The following GATA5 variants were observed in gnomAD, a reference collection of about 807,000 sequenced individuals.
The protein encoded by GATA5 is GATA binding protein 5.
Under a neutral mutation model 35.0 loss-of-function variants are expected in GATA5, and 27 were observed. The observed-to-expected ratio is 0.77, with a 90% CI of 0.57 to 1.06. The LOEUF is 1.06. Among genes scored for constraint, GATA5 ranks in the 50% least tolerant of loss-of-function variants. GATA5 has a pLI of 0.00. For synonymous variants in GATA5, 306 were observed against 267.8 expected, an observed-to-expected ratio of 1.14 and a Z score of -1.39; for missense variants, 612 against 580.0, an observed-to-expected ratio of 1.06 and a Z score of -0.57.
At chr20:62,466,361 G>A (rs1989586813) in intron 4 of GATA5, 65 bp downstream of exon 4, 2 of 1,492,028 alleles carry the variant, frequency 1.3e-6, no homozygotes, top group Non-Finnish European at 1.8e-6. Context: ...GTCTGAGAGT[G>A]CGGACGGCGC....
Position 62,472,482 on chromosome 20 carries a change from C to T in GATA5, c.699+921G>A, listed in dbSNP as rs1390202389. On this transcript the variant is annotated intron_variant, in intron 3 of 6. Transcript: ENST00000252997. ...GAGGGCTGGCCTCCACCCAGGGTGA[C>T]GGCGGGAGCTGGCTGATCGACCCCG... Among the ~76,000 whole-genome samples, 9 of 152,200 alleles carry T rather than the reference C, an allele frequency of 5.9e-5. No homozygotes were observed. The South Asian group carries it at 6.2e-4, about 10-fold the overall frequency.
chr20:62,465,023 G>T (rs1989544444), intron 6 of GATA5, 32 bp from the exon 7 acceptor site: 2 of 1,088,856 alleles, frequency 1.8e-6, no homozygotes, highest in African/African-American at 1.6e-5. Context: ...AGAATGTGGG[G>T]TGGGGCGTGG....
chr20:62,465,883 C>T lies in GATA5; in HGVS notation c.864G>A (p.Gln288=). The change falls in exon 5 of 7, where the codon CAG becomes CAA. Residue 288 remains glutamine (Q), a synonymous_variant. Coordinates refer to ENST00000252997, the MANE Select transcript of GATA5 (RefSeq NM_080473.5). ...RPLAMKKESI[Q]TRKRKPKTIA... ...TGGTCTTTGGCTTCCGCTTCCGTGT[C>T]TGGATGCTTTCCTTCTTCATAGCCA... 1 of 1,599,120 alleles carries T rather than the reference C, an allele frequency of 6.3e-7. No homozygotes were observed. Among genetic ancestry groups the T allele is most frequent in the South Asian group, 1.1e-5 (1 of 88,258 alleles).
intron 4 of GATA5, 69 bp downstream of exon 4, chr20:62,466,357 G>C: frequency 6.8e-7 from 1 of 1,480,928 alleles, no homozygotes; most frequent in Non-Finnish European, 9.1e-7. Context: ...CTTGGTCTGA[G>C]AGTGCGGACG....
chr20:62,469,984 C>A (rs1461324102), intron 3 of GATA5, among the ~76,000 whole-genome samples: 1 of 152,226 alleles, frequency 6.6e-6, no homozygotes, highest in Admixed American at 6.5e-5. Context: ...CTCCTCACTG[C>A]CCAACAAGCA....
At chr20:62,474,937 G>A in intron 2 of GATA5, 62 bp downstream of exon 2, 1 of 1,234,718 alleles carries the variant, frequency 8.1e-7, no homozygotes, top group South Asian at 2.8e-5. Flanking sequence ...TTCGCAGGGT[G>A]CGGGTTTGCA....
intron 3 of GATA5, among the ~76,000 whole-genome samples, chr20:62,468,906 C>G (rs1555896328): frequency 6.6e-6 from 1 of 152,244 alleles, no homozygotes; most frequent in Non-Finnish European, 1.5e-5. Flanking sequence ...TCACCCAGGG[C>G]CCCCAGATGG....
rs1555896436 is a variant in GATA5, at chr20:62,470,237, G to C, written c.699+3166C>G. Among the ~76,000 whole-genome samples, 1 of 152,248 alleles carries C rather than the reference G, an allele frequency of 6.6e-6. No individual in the cohort carries two copies. The highest frequency in any genetic ancestry group is 1.5e-5 in the Non-Finnish European group (1 of 68,044). On this transcript the variant is annotated intron_variant, in intron 3 of 6. Transcript: ENST00000252997. This position sits in a 1 kb window ranked among gnomAD's most constrained non-coding sequence, Gnocchi z 4.6. ...TCAAGGAAGGCGGGAGAGGGAAGGA[G>C]GTTCGAGCCTGGCTTGGAGGGATGA...
chr20:62,475,772 C>G (rs782108850), intron 1 of GATA5, among the ~76,000 whole-genome samples, 158 bp downstream of exon 1: 9 of 151,880 alleles, frequency 5.9e-5, no homozygotes, highest in Non-Finnish European at 1.2e-4. Flanking sequence ...CCTCCCCGAC[C>G]GGGCTTCGGA....
Position 62,475,481 on chromosome 20 carries a change from G to T in GATA5, c.41C>A (p.Ala14Asp). Residue 14 changes from alanine (A) to aspartate (D), a missense_variant, in exon 2 of 7, where the codon GCC becomes GAC. Ala to Asp is a moderately radical substitution (Grantham distance 126, BLOSUM62 -2). Transcript: ENST00000252997. ...SLALAASPRQAAYADSGSFLH... is the reference protein window; with the variant it reads ...SLALAASPRQDAYADSGSFLH... ...GAAGGAGCCCGAGTCGGCGTAGGCG[G>T]CCTGGCGGGGGCTCGCGGCCAGCGC... 7.5e-7 allele frequency: 1 copy of T among 1,327,654 alleles called. No individual in the cohort carries two copies. The allele number at this position is 1,327,654 out of a possible 1,614,324, so 82.2% of individuals were successfully genotyped here.
At chr20:62,474,045 T>C (rs1275427849) in intron 2 of GATA5, among the ~76,000 whole-genome samples, 1 of 148,558 alleles carries the variant, frequency 6.7e-6, no homozygotes, top group African/African-American at 2.5e-5. Flanking sequence ...CTAACCCCGC[T>C]GTCCTCCTGT....
In GATA5 at chr20:62,472,529, G is replaced by A. The variant is rs531129779; in HGVS notation, c.699+874C>T. On this transcript the variant is annotated intron_variant, in intron 3 of 6. Transcript: ENST00000252997. ...CCCGCACGGAGTCCACACCACCAGC[G>A]GAGGAGGACTTGGTGCCCAGGAACA... 2.6e-5 allele frequency among the ~76,000 whole-genome samples: 4 copies of A among 152,352 alleles called. No homozygotes were observed. In the East Asian group the frequency reaches 5.8e-4, roughly 22 times the overall value.
chr20:62,465,547 C>A, intron 5 of GATA5, 83 bp from the exon 6 acceptor site: 1 of 1,517,968 alleles, frequency 6.6e-7, no homozygotes, highest in Non-Finnish European at 8.8e-7. Context: ...TCTCCTCTGG[C>A]CCCGGCCCAG....
At chr20:62,472,328 T>C (rs2146487132) in intron 3 of GATA5, among the ~76,000 whole-genome samples, 1 of 152,246 alleles carries the variant, frequency 6.6e-6, no homozygotes, top group African/African-American at 2.4e-5. Flanking sequence ...CACGCTCAGG[T>C]CCTGGTCCCC....
rs1190332701 is a variant in GATA5 at position 62,465,866 on chromosome 20, G to A, written c.881C>T (p.Pro294Leu). 17 of 1,597,130 alleles carry A rather than the reference G, an allele frequency of 1.1e-5. No homozygotes were observed. The highest frequency in any genetic ancestry group is 1.3e-5 in the African/African-American group (1 of 74,682). The change falls in exon 5 of 7, where the codon CCA (proline) becomes CTA (leucine). Residue 294 changes from proline to leucine, a missense_variant. Pro to Leu is a moderately conservative substitution (Grantham distance 98). Transcript: ENST00000252997. ...GCCCCTGGCCTTGGCGATGGTCTTT[G>A]GCTTCCGCTTCCGTGTCTGGATGCT... is the stretch of plus-strand genomic sequence containing the variant. The part of the protein sequence containing the change: ...KESIQTRKRK[P>L]KTIAKARGSS...
At chr20:62,471,169 C>A (rs1440917970) in intron 3 of GATA5, among the ~76,000 whole-genome samples, 1 of 152,032 alleles carries the variant, frequency 6.6e-6, no homozygotes, top group Non-Finnish European at 1.5e-5. Flanking sequence ...AGACCCAGGG[C>A]AGGGCAGGGC....
At position 62,474,880 on chromosome 20, in the gene GATA5, G is replaced by T. The variant is rs1472346871; in HGVS notation, c.523+119C>A. The T allele has an allele frequency of 9.2e-6, 8 of 872,044 alleles. No homozygotes were observed. The East Asian group carries it at 2.3e-4, about 25-fold the overall frequency. The allele number at this position is 872,044 out of a possible 1,614,324, so 54.0% of individuals were successfully genotyped here. The stretch of plus-strand genomic sequence containing the variant: ...GTCTCGCCCCGGGGCTGCTGGTGTC[G>T]CTCCTGGCAGGGAGGCTCGGACCGT... On this transcript the variant is annotated intron_variant, in intron 2 of 6. Transcript: ENST00000252997.
Position 62,470,618 on chromosome 20 carries a change from C to T in GATA5, c.699+2785G>A, listed in dbSNP as rs1362529390. ...ACCAGTCTTGCTCAGCGGGAAGGGACGCTTGGCTCCATGCAACACTGGGCT... is the reference window on the plus strand; with the variant it reads ...ACCAGTCTTGCTCAGCGGGAAGGGATGCTTGGCTCCATGCAACACTGGGCT... On this transcript the variant is annotated intron_variant, in intron 3 of 6. Coordinates refer to ENST00000252997, the MANE Select transcript of GATA5 (RefSeq NM_080473.5). This position sits in a 1 kb window ranked among gnomAD's most constrained non-coding sequence, Gnocchi z 4.6. Among the ~76,000 whole-genome samples the T allele has an allele frequency of 5.9e-5, 9 of 152,166 alleles. No individual in the cohort carries two copies. In the East Asian group the frequency reaches 1.4e-3, roughly 23 times the overall value.
In GATA5 at chr20:62,464,670, G is replaced by A. The variant is rs1354999387; in HGVS notation, c.*166C>T. On this transcript the variant is annotated 3_prime_UTR_variant, in exon 7 of 7. Coordinates refer to ENST00000252997, the MANE Select transcript of GATA5 (RefSeq NM_080473.5). ...CTTCTTGCTCTGGGGCCCGACTGCCGTCTGTCCAGAAGGCCTCCCCACCAC... is the reference window on the plus strand; with the variant it reads ...CTTCTTGCTCTGGGGCCCGACTGCCATCTGTCCAGAAGGCCTCCCCACCAC... 15 of 559,650 alleles carry A rather than the reference G, an allele frequency of 2.7e-5. No individual in the cohort carries two copies. The highest frequency in any genetic ancestry group is 3.4e-5 in the Admixed American group (1 of 29,474). The allele number at this position is 559,650 out of a possible 1,614,324, so 34.7% of individuals were successfully genotyped here. A position where few individuals can be genotyped will look rare whatever the true frequency, so the allele number is the denominator to read the frequency against.
Sources: allele counts gnomAD v4.1 joint callset (sites outside exome capture counted in the v4.1 genomes callset), GRCh38; gene constraint gnomAD v4.1.1; non-coding constraint Gnocchi (gnomAD v3.1); transcripts MANE v1.5; gene names NCBI Gene and HGNC (gene_info 2026-07-23, HGNC 2026-07-21).